The following CPA6 variants were observed in gnomAD, a reference collection of about 807,000 sequenced individuals.
CPA6 encodes carboxypeptidase B.
Under a neutral mutation model 63.3 loss-of-function variants are expected in CPA6, and 58 were observed. The ratio of observed to expected loss-of-function variants is 0.92; its 90% CI spans 0.74 to 1.14. CPA6 has a LOEUF of 1.14. CPA6 is among the 50% of genes most tolerant of loss of function. The pLI is 0.00. For synonymous variants in CPA6, 185 were observed against 179.0 expected, an observed-to-expected ratio of 1.03 and a Z score of -0.27; for missense variants, 565 against 526.6, an observed-to-expected ratio of 1.07 and a Z score of -0.71.
At chr8:67,565,180 T>G (rs1040629149) in intron 2 of CPA6, among the ~76,000 whole-genome samples, 15 of 151,944 alleles carry the variant, frequency 9.9e-5, no homozygotes, top group African/African-American at 2.7e-4. Flanking sequence ...CTTTTTTTTT[T>G]TTGTTGTTGT....
rs145906439 is a variant in CPA6 at position 67,562,374 on chromosome 8, G to A, written c.193-44327C>T. ...TTTTCCAGTTTTGGTTAAGATTTGC[G>A]CCCTTCCTGGCCCTGACAGAATGTC... On this transcript the variant is annotated intron_variant, in intron 2 of 10. Transcript: ENST00000297770. Among the ~76,000 whole-genome samples, 580 of 152,128 alleles carry A rather than the reference G, an allele frequency of 3.8e-3. 5 individuals are homozygous for A. Among genetic ancestry groups the A allele is most frequent in the African/African-American group, 0.013 (519 of 41,502 alleles).
chr8:67,735,725 T>C (rs1160921450), intron 1 of CPA6: 2 of 152,010 alleles, frequency 1.3e-5, no homozygotes, highest in African/African-American at 4.8e-5. Flanking sequence ...CTGCCCTCTT[T>C]CCTTTTAGAG....
At chr8:67,505,619 T>C (rs1811911336) in intron 6 of CPA6, among the ~76,000 whole-genome samples, 1 of 152,188 alleles carries the variant, frequency 6.6e-6, no homozygotes, top group South Asian at 2.1e-4. Flanking sequence ...GCATTTGTCC[T>C]AGCAGGATGA....
At chr8:67,435,064 G>C (rs1474681508) in intron 8 of CPA6, among the ~76,000 whole-genome samples, 1 of 152,196 alleles carries the variant, frequency 6.6e-6, no homozygotes, top group African/African-American at 2.4e-5. Flanking sequence ...TTCCCTTTCT[G>C]TACTGTCCGC....
At chr8:67,506,653 G>A (rs1383108425) in intron 6 of CPA6, 134 bp downstream of exon 6, 1 of 629,056 alleles carries the variant, frequency 1.6e-6, no homozygotes, top group African/African-American at 1.8e-5. Flanking sequence ...CATGAAAGCA[G>A]CCCATGGAAT....
intron 1 of CPA6, among the ~76,000 whole-genome samples, chr8:67,634,693 G>T (rs1278476542): frequency 1.3e-5 from 2 of 151,384 alleles, no homozygotes; most frequent in African/African-American, 4.9e-5. Context: ...TATTTTTTTT[G>T]TGAAAATTAT....
At chr8:67,450,617 AGT>A (rs777008428) in intron 8 of CPA6, among the ~76,000 whole-genome samples, 17 of 152,262 alleles carry the variant, frequency 1.1e-4, no homozygotes, top group Non-Finnish European at 2.4e-4. Context: ...AAACAGGACC[AGT>A]GCTATTGTTC....
intron 8 of CPA6, among the ~76,000 whole-genome samples, chr8:67,483,111 GA>G (rs1285260739): frequency 2.2e-4 from 33 of 152,258 alleles, no homozygotes; most frequent in African/African-American, 7.5e-4. Flanking sequence ...AGCTCCTAAC[GA>G]CTGCATTTTG....
chr8:67,492,669 G>C (rs116420956), intron 6 of CPA6, among the ~76,000 whole-genome samples: 2,066 of 152,224 alleles, frequency 0.014, 57 homozygotes, highest in African/African-American at 0.046. Context: ...TGATTATGAA[G>C]ATTGCTCTGT....
chr8:67,536,968 A>G (rs1812598355), intron 2 of CPA6, among the ~76,000 whole-genome samples: 1 of 152,022 alleles, frequency 6.6e-6, no homozygotes, highest in African/African-American at 2.4e-5. Flanking sequence ...GGTTTTTGTC[A>G]TTGTTTCTGT....
intron 1 of CPA6, among the ~76,000 whole-genome samples, chr8:67,628,225 A>C (rs1373836378): frequency 2.0e-5 from 3 of 151,756 alleles, no homozygotes; most frequent in South Asian, 2.1e-4. Flanking sequence ...AAAAAAAAAA[A>C]GTTCTAAGAC....
At chr8:67,631,944 C>T (rs988647772) in intron 1 of CPA6, among the ~76,000 whole-genome samples, 3 of 152,020 alleles carry the variant, frequency 2.0e-5, no homozygotes, top group African/African-American at 4.8e-5. Flanking sequence ...TGAACATGTC[C>T]GAACATCAGA....
chr8:67,505,022 C>T (rs977035444), intron 6 of CPA6, among the ~76,000 whole-genome samples: 1 of 152,198 alleles, frequency 6.6e-6, no homozygotes, highest in African/African-American at 2.4e-5. Flanking sequence ...ATTGCATATG[C>T]CTCTTCCTTT....
At chr8:67,682,408 T>C (rs1816617921) in intron 1 of CPA6, among the ~76,000 whole-genome samples, 2 of 152,234 alleles carry the variant, frequency 1.3e-5, no homozygotes, top group South Asian at 4.1e-4. Context: ...TCTGTGTCTC[T>C]ACTTACATGT....
chr8:67,656,324 A>G (rs1815983332), intron 1 of CPA6, among the ~76,000 whole-genome samples: 1 of 152,178 alleles, frequency 6.6e-6, no homozygotes, highest in Non-Finnish European at 1.5e-5. Flanking sequence ...GATTTAAAGT[A>G]GTTTCTATTT....
At chr8:67,582,191 C>A (rs448546) in intron 2 of CPA6, among the ~76,000 whole-genome samples, 1 of 151,888 alleles carries the variant, frequency 6.6e-6, no homozygotes, top group African/African-American at 2.4e-5. Flanking sequence ...CATAAAATCA[C>A]GTAAGGGTGG....
chr8:67,534,230 T>A (rs906098209), intron 2 of CPA6, among the ~76,000 whole-genome samples: 1 of 152,066 alleles, frequency 6.6e-6, no homozygotes, highest in African/African-American at 2.4e-5. Flanking sequence ...TTTTAAAAAA[T>A]AATGAATATG....
Position 67,528,135 on chromosome 8 carries a change from C to T in CPA6, c.193-10088G>A, listed in dbSNP as rs560922080. ...ACAATGAGCAAGACAGAGCTCTGTC[C>T]TCAAGGACTAAGCAGATATGACGTG... On this transcript the variant is annotated intron_variant, in intron 2 of 10. Coordinates refer to ENST00000297770, the MANE Select transcript of CPA6 (RefSeq NM_020361.5). 4.0e-4 allele frequency among the ~76,000 whole-genome samples: 61 copies of T among 152,318 alleles called. 1 individual carries two copies. Among genetic ancestry groups the T allele is most frequent in the African/African-American group, 1.4e-3 (59 of 41,562 alleles).
intron 1 of CPA6, among the ~76,000 whole-genome samples, chr8:67,633,409 C>T (rs1390897862): frequency 1.3e-5 from 2 of 152,042 alleles, no homozygotes; most frequent in Non-Finnish European, 2.9e-5. Flanking sequence ...GGGCCGGGCG[C>T]GTTGGCTCAC....
Sources: allele counts gnomAD v4.1 joint callset (sites outside exome capture counted in the v4.1 genomes callset), GRCh38; gene constraint gnomAD v4.1.1; transcripts MANE v1.5; gene names NCBI Gene and HGNC (gene_info 2026-07-23, HGNC 2026-07-21).